SUFU: variants seen among roughly 807,000 people sequenced by gnomAD.
The protein encoded by SUFU is SUFU negative regulator of hedgehog signaling.
In SUFU, 7 loss-of-function variants were observed where a neutral mutation model predicts 58.9. That is an observed-to-expected ratio of 0.12 (90% CI 0.07 to 0.22). The LOEUF is 0.22. SUFU is among the 10% of genes least tolerant of loss of function. SUFU has a pLI of 1.00. For synonymous variants in SUFU, 232 were observed against 254.8 expected (o/e 0.91, Z 0.85); for missense variants, 451 against 641.3 (o/e 0.70, Z 3.20).
At chr10:102,528,172 G>A (rs1480532735) in intron 2 of SUFU, among the ~76,000 whole-genome samples, 1 of 152,154 alleles carries the variant, frequency 6.6e-6, no homozygotes, top group Non-Finnish European at 1.5e-5. Flanking sequence ...GTGGTTGGGA[G>A]TAGATGGAAG....
chr10:102,545,698 G>A (rs2062848289), intron 2 of SUFU, among the ~76,000 whole-genome samples: 1 of 152,188 alleles, frequency 6.6e-6, no homozygotes, highest in South Asian at 2.1e-4. Flanking sequence ...AATGGGCTGG[G>A]CACAGTGGCT....
Position 102,619,311 on chromosome 10 carries a change from C to T in SUFU, c.1296+1883C>T. The T allele has an allele frequency of 1.4e-6, 2 of 1,436,932 alleles. No homozygotes were observed. The highest frequency in any genetic ancestry group is 2.5e-5 in the East Asian group (1 of 39,822). The allele number at this position is 1,436,932 out of a possible 1,614,324, so 89.0% of individuals were successfully genotyped here. On this transcript the variant is annotated intron_variant, in intron 10 of 11. Coordinates refer to ENST00000369902, the MANE Select transcript of SUFU (RefSeq NM_016169.4). The surrounding 1 kb of genome is among the most constrained non-coding windows in gnomAD (Gnocchi z 4.2). ...TGCCACAACCCCCTCACCTCCCTGG[C>T]AGCCCCTCAGCGAGCCTGAGGCCCA... is the stretch of plus-strand genomic sequence containing the variant.
chr10:102,615,398 C>T lies in SUFU; in HGVS notation c.1153C>T (p.Leu385=). Residue 385 remains leucine, a synonymous_variant, in exon 9 of 12, where the codon CTA becomes TTA. Coordinates refer to ENST00000369902, the MANE Select transcript of SUFU (RefSeq NM_016169.4). ...GTCCGGAGCCCTCATTCCTCTCTGC[C>T]TAAGGTGAGCGAGACAGCCCTGCCA... is the stretch of plus-strand genomic sequence containing the variant. ...QESGALIPLC[L]RGRLLHGRHF... 1 of 1,614,018 alleles carries T rather than the reference C, an allele frequency of 6.2e-7. No individual in the cohort carries two copies. Among genetic ancestry groups the T allele is most frequent in the African/African-American group, 1.3e-5 (1 of 75,024 alleles).
intron 3 of SUFU, among the ~76,000 whole-genome samples, chr10:102,573,395 A>G (rs564524058): frequency 5.3e-5 from 8 of 152,360 alleles, no homozygotes; most frequent in Admixed American, 5.2e-4. Context: ...AGGAATGTAA[A>G]ATGGTGCAGC....
chr10:102,559,766 G>C (rs183630236), intron 3 of SUFU, among the ~76,000 whole-genome samples: 2 of 152,284 alleles, frequency 1.3e-5, no homozygotes, highest in Admixed American at 1.3e-4. Flanking sequence ...CTGTGCTTTA[G>C]AATTCTGCTG....
chr10:102,507,767 T>G (rs1267928136), intron 1 of SUFU, among the ~76,000 whole-genome samples: 1 of 152,200 alleles, frequency 6.6e-6, no homozygotes, highest in Non-Finnish European at 1.5e-5. Flanking sequence ...GGTTGTTAGC[T>G]TTCCACCAGC....
chr10:102,571,029 A>G (rs1478511641), intron 3 of SUFU, among the ~76,000 whole-genome samples: 2 of 152,212 alleles, frequency 1.3e-5, no homozygotes, highest in East Asian at 1.9e-4. Flanking sequence ...ATATCATCAC[A>G]TCATGTTTTG....
chr10:102,536,250 C>T lies in SUFU; in HGVS notation c.318-13720C>T, dbSNP rs549102308. On this transcript the variant is annotated intron_variant, in intron 2 of 11. Transcript: ENST00000369902. ...AAAGTGCTGGGATTACAGGCGTGAG[C>T]GTGAGCCACTGTGCCTGGCCAGGAG... Among the ~76,000 whole-genome samples, 175 of 151,518 alleles carry T rather than the reference C, an allele frequency of 1.2e-3. 1 individual carries two copies. Among genetic ancestry groups the T allele is most frequent in the African/African-American group, 4.0e-3 (167 of 41,300 alleles).
intron 4 of SUFU, among the ~76,000 whole-genome samples, chr10:102,593,187 G>A (rs1197146453): frequency 6.6e-6 from 1 of 152,160 alleles, no homozygotes; most frequent in African/African-American, 2.4e-5. Context: ...AGGAAGGGAG[G>A]AGTTTCTCTG....
At chr10:102,555,216 T>C (rs1221109027) in intron 3 of SUFU, among the ~76,000 whole-genome samples, 2 of 134,872 alleles carry the variant, frequency 1.5e-5, no homozygotes, top group Middle Eastern at 4.3e-3. Flanking sequence ...TGCAGTGAGC[T>C]GAGACTGCGC....
At chr10:102,526,998 T>G (rs1356721820) in intron 2 of SUFU, among the ~76,000 whole-genome samples, 3 of 140,872 alleles carry the variant, frequency 2.1e-5, no homozygotes, top group East Asian at 2.0e-4. Flanking sequence ...TTATTGTTTT[T>G]TTTTTTTTTT....
At chr10:102,527,523 A>G (rs1316988536) in intron 2 of SUFU, among the ~76,000 whole-genome samples, 1 of 150,026 alleles carries the variant, frequency 6.7e-6, no homozygotes, top group African/African-American at 2.5e-5. Context: ...ATGTATATTT[A>G]TAGTACATCA....
rs1315634627 is a variant in SUFU, at chr10:102,592,743, G to T, written c.597+19G>T. 1 of 1,613,178 alleles carries T rather than the reference G, an allele frequency of 6.2e-7. No individual in the cohort carries two copies. The highest frequency in any genetic ancestry group is 8.5e-7 in the Non-Finnish European group (1 of 1,179,998). On this transcript the variant is annotated intron_variant, in intron 4 of 11. Transcript: ENST00000369902. ...CCTCCAGGTGAGGCACAGGTTGGAC[G>T]CTGGCTCAAGCCTTCCTGTGGGAAG...
intron 3 of SUFU, among the ~76,000 whole-genome samples, chr10:102,581,857 G>C (rs140560600): frequency 5.9e-5 from 9 of 152,308 alleles, no homozygotes; most frequent in African/African-American, 2.2e-4. Context: ...AAATGCAAGA[G>C]GAGTGGAGAT....
At chr10:102,630,009 C>A in intron 11 of SUFU, 57 bp from the exon 12 acceptor site, 1 of 1,521,384 alleles carries the variant, frequency 6.6e-7, no homozygotes, top group Non-Finnish European at 9.1e-7. Flanking sequence ...TCTGGAAAGA[C>A]CACGGTGTAT....
At chr10:102,506,785 GA>G (rs2062332873) in intron 1 of SUFU, among the ~76,000 whole-genome samples, 1 of 152,210 alleles carries the variant, frequency 6.6e-6, no homozygotes, top group Non-Finnish European at 1.5e-5. Context: ...CTAGCAGGAT[GA>G]CTGACCCAGG....
intron 2 of SUFU, among the ~76,000 whole-genome samples, chr10:102,517,880 C>T (rs2062492496): frequency 6.6e-6 from 1 of 152,152 alleles, no homozygotes; most frequent in African/African-American, 2.4e-5. Context: ...CCTGTACAGG[C>T]AGAACATTGG....
chr10:102,573,298 C>G (rs796185435), intron 3 of SUFU: 7 of 580,246 alleles, frequency 1.2e-5, no homozygotes, highest in Non-Finnish European at 2.2e-5. Context: ...AGAATGGCTA[C>G]TATCAAAAAA....
At chr10:102,531,640 C>G (rs1405206371) in intron 2 of SUFU, among the ~76,000 whole-genome samples, 2 of 82,890 alleles carry the variant, frequency 2.4e-5, no homozygotes, top group African/African-American at 1.0e-4. Context: ...GATGAGAGCC[C>G]TCTCTTGGTC....
Sources: allele counts gnomAD v4.1 joint callset (sites outside exome capture counted in the v4.1 genomes callset), GRCh38; gene constraint gnomAD v4.1.1; non-coding constraint Gnocchi (gnomAD v3.1); transcripts MANE v1.5; gene names NCBI Gene and HGNC (gene_info 2026-07-23, HGNC 2026-07-21).